The following PCDHGA6 variants were observed in gnomAD, a reference collection of about 807,000 sequenced individuals.
The protein encoded by PCDHGA6 is protocadherin gamma subfamily A, 6.
PCDHGA6 carries 41 observed loss-of-function variants against 60.6 expected under a neutral mutation model. The ratio of observed to expected loss-of-function variants is 0.68; its 90% CI spans 0.53 to 0.88. PCDHGA6 has a LOEUF of 0.88. Ranked by LOEUF, PCDHGA6 falls within the 40% of genes least tolerant of loss-of-function variation. The pLI is 0.00. For synonymous variants in PCDHGA6, 594 were observed against 524.4 expected (o/e 1.13, Z -1.81); for missense variants, 1,312 against 1,203.0 (o/e 1.09, Z -1.34).
Position 141,393,873 on chromosome 5 carries a change from A to G in PCDHGA6, c.2424+17366A>G, listed in dbSNP as rs759255236. The G allele has an allele frequency of 1.9e-6, 3 of 1,613,916 alleles. No individual in the cohort carries two copies. In the Admixed American group the frequency reaches 5.0e-5, roughly 27 times the overall value. On this transcript the variant is annotated intron_variant, in intron 1 of 3. Coordinates refer to ENST00000517434, the MANE Select transcript of PCDHGA6 (RefSeq NM_018919.3). ...AGAAGTGATCATTACGTCTTTGTTT[A>G]GCCCAGTGTTAGAAAATTCTCTTCC...
chr5:141,508,241 T>G (rs1475142426), intron 3 of PCDHGA6: 2 of 152,286 alleles, frequency 1.3e-5, no homozygotes, highest in East Asian at 3.9e-4. Context: ...CTCCTAAGTC[T>G]GCCTCTCCTG....
At chr5:141,494,183 G>A (rs971032835) in intron 1 of PCDHGA6, among the ~76,000 whole-genome samples, 2 of 152,146 alleles carry the variant, frequency 1.3e-5, no homozygotes, top group Non-Finnish European at 2.9e-5. Context: ...GAAGTGTCCC[G>A]GGACTTGGAT....
At chr5:141,378,585 G>A (rs758641960) in intron 1 of PCDHGA6, 1 of 152,188 alleles carries the variant, frequency 6.6e-6, no homozygotes, top group South Asian at 2.1e-4. Flanking sequence ...ATGCTCGGTA[G>A]TGTCTGCTTA....
At chr5:141,479,505 G>A (rs2099498324) in intron 1 of PCDHGA6, 1 of 152,262 alleles carries the variant, frequency 6.6e-6, no homozygotes, top group African/African-American at 2.4e-5. Flanking sequence ...CCTAAAGAGG[G>A]GTGAACTGGC....
intron 1 of PCDHGA6, among the ~76,000 whole-genome samples, chr5:141,448,629 C>T (rs1188418541): frequency 6.6e-6 from 1 of 152,060 alleles, no homozygotes; most frequent in Non-Finnish European, 1.5e-5. Flanking sequence ...CCTTTCTTCA[C>T]ATTATATCCT....
At chr5:141,434,608 C>T (rs142418557) in intron 1 of PCDHGA6, among the ~76,000 whole-genome samples, 1,532 of 152,226 alleles carry the variant, frequency 0.01, 34 homozygotes, top group African/African-American at 0.034. Flanking sequence ...CCTTTATTTC[C>T]GCCCATCTCT....
Position 141,477,919 on chromosome 5 carries a change from G to A in PCDHGA6, c.2425-16888G>A. 2.5e-6 allele frequency: 4 copies of A among 1,614,162 alleles called. No individual in the cohort carries two copies. The highest frequency in any genetic ancestry group is 8.5e-7 in the Non-Finnish European group (1 of 1,180,026). The stretch of plus-strand genomic sequence containing the variant: ...TGGTAGGCTGGGACGCGGATGCAGG[G>A]CACAATGCCTGGCTCTCCTACAGTC... On this transcript the variant is annotated intron_variant, in intron 1 of 3. Transcript: ENST00000517434. The surrounding 1 kb of genome is among the most constrained non-coding windows in gnomAD (Gnocchi z 4.9).
chr5:141,446,821 T>G (rs183143971), intron 1 of PCDHGA6, among the ~76,000 whole-genome samples: 2 of 152,184 alleles, frequency 1.3e-5, no homozygotes, highest in South Asian at 4.1e-4. Context: ...GTCAGATGGG[T>G]AGATCCTTAT....
At chr5:141,446,288 G>C (rs1437669688) in intron 1 of PCDHGA6, among the ~76,000 whole-genome samples, 1 of 152,100 alleles carries the variant, frequency 6.6e-6, no homozygotes, top group Non-Finnish European at 1.5e-5. Flanking sequence ...GGATAAATGG[G>C]GAGCAGGGAT....
intron 1 of PCDHGA6, among the ~76,000 whole-genome samples, chr5:141,435,445 C>T (rs190910353): frequency 3.9e-5 from 6 of 152,224 alleles, no homozygotes; most frequent in Middle Eastern, 3.4e-3. Flanking sequence ...TTCATTAATA[C>T]GATATCTGTA....
chr5:141,486,425 A>C lies in PCDHGA6; in HGVS notation c.2425-8382A>C. The C allele has an allele frequency of 6.2e-7, 1 of 1,614,228 alleles. No homozygotes were observed. On this transcript the variant is annotated intron_variant, in intron 1 of 3. Transcript: ENST00000517434. This position sits in a 1 kb window ranked among gnomAD's most constrained non-coding sequence, Gnocchi z 5.0. Reference sequence around the variant, plus strand: ...TGCTGGACCCTTGGATCGAGAGGCCAAATCTAGCTATGACATCATGGTCAC... The same window carrying C: ...TGCTGGACCCTTGGATCGAGAGGCCCAATCTAGCTATGACATCATGGTCAC...
intron 1 of PCDHGA6, among the ~76,000 whole-genome samples, chr5:141,482,828 T>G (rs1274498876): frequency 4.4e-5 from 6 of 135,272 alleles, no homozygotes; most frequent in Non-Finnish European, 9.5e-5. Flanking sequence ...TCCTAGCACT[T>G]TGGGAGGCCA....
intron 1 of PCDHGA6, among the ~76,000 whole-genome samples, chr5:141,460,445 G>A (rs896549154): frequency 7.2e-5 from 11 of 152,144 alleles, no homozygotes; most frequent in Admixed American, 5.9e-4. Flanking sequence ...AGGTAACAAT[G>A]AAGATTCATA....
intron 1 of PCDHGA6, chr5:141,419,506 C>T (rs527369615): frequency 6.2e-7 from 1 of 1,612,352 alleles, no homozygotes; most frequent in Non-Finnish European, 8.5e-7. Context: ...TGAGCCTGCG[C>T]GTGTTGGTGG....
intron 2 of PCDHGA6, among the ~76,000 whole-genome samples, chr5:141,499,868 A>G (rs2099794957): frequency 6.6e-6 from 1 of 152,024 alleles, no homozygotes; most frequent in Non-Finnish European, 1.5e-5. Context: ...TTGTATTTTC[A>G]GTACAAACAG....
chr5:141,448,814 G>A (rs967588194), intron 1 of PCDHGA6, among the ~76,000 whole-genome samples: 14 of 152,122 alleles, frequency 9.2e-5, no homozygotes, highest in Non-Finnish European at 1.8e-4. Flanking sequence ...GCGTGATGGC[G>A]GGCGCCTGTA....
At chr5:141,412,273 C>T (rs1007252273) in intron 1 of PCDHGA6, 4 of 152,206 alleles carry the variant, frequency 2.6e-5, no homozygotes, top group Admixed American at 6.5e-5. Flanking sequence ...ACTTTTAGTA[C>T]TTCAAATTCT....
intron 1 of PCDHGA6, chr5:141,398,280 C>T (rs1001902282): frequency 1.4e-5 from 19 of 1,405,808 alleles, no homozygotes; most frequent in Non-Finnish European, 1.8e-5. Context: ...GGAACCTCGC[C>T]ACGGACCTGG....
intron 1 of PCDHGA6, chr5:141,423,256 G>T (rs751894091): frequency 1.4e-5 from 22 of 1,613,816 alleles, no homozygotes; most frequent in Middle Eastern, 1.6e-4. Flanking sequence ...GGCGGACCTC[G>T]GCAGCCTCGA....
Sources: gnomAD v4.1 joint callset for allele counts (sites outside exome capture counted in the v4.1 genomes callset) on GRCh38, gnomAD v4.1.1 for gene constraint, Gnocchi (gnomAD v3.1) non-coding constraint, MANE v1.5 for transcripts, NCBI Gene and HGNC (gene_info 2026-07-23, HGNC 2026-07-21) for gene names.